Variants in TMEM63A observed in about 807,000 individuals in gnomAD.
TMEM63A encodes mechanosensitive cation channel TMEM63A.
A neutral mutation model predicts 100.6 loss-of-function variants in TMEM63A; 76 were observed. That is an observed-to-expected ratio of 0.76 (90% CI 0.63 to 0.91). The LOEUF is 0.91. TMEM63A is among the 40% of genes least tolerant of loss of function. The pLI is 0.00. For synonymous variants in TMEM63A, 401 were observed against 401.1 expected, an observed-to-expected ratio of 1.00 and a Z score of 0.00; for missense variants, 876 against 1,008.8, an observed-to-expected ratio of 0.87 and a Z score of 1.78.
chr1:225,848,769 A>G, intron 22 of TMEM63A, 128 bp downstream of exon 22: 1 of 901,384 alleles, frequency 1.1e-6, no homozygotes, highest in Non-Finnish European at 1.7e-6. Flanking sequence ...TTTCCCATGG[A>G]GAAGCAGAAT....
chr1:225,875,351 C>T (rs953543471), intron 3 of TMEM63A, among the ~76,000 whole-genome samples: 2 of 152,214 alleles, frequency 1.3e-5, no homozygotes, highest in Non-Finnish European at 2.9e-5. Flanking sequence ...TTGGCAGGCT[C>T]CATGCCATGT....
chr1:225,849,098 G>T (rs1373035529), intron 21 of TMEM63A, 86 bp from the exon 22 acceptor site: 2 of 1,042,246 alleles, frequency 1.9e-6, no homozygotes, highest in African/African-American at 1.6e-5. Flanking sequence ...GCCGCACCTG[G>T]TGTGGAAACT....
chr1:225,876,678 C>T (rs972455962), intron 3 of TMEM63A, among the ~76,000 whole-genome samples: 3 of 151,400 alleles, frequency 2.0e-5, no homozygotes, highest in Non-Finnish European at 4.4e-5. Context: ...GACAGCGTCT[C>T]GCTCTTGTTG....
At chr1:225,844,751 C>T (rs1018752850), downstream of TMEM63A, 35 of 1,440,066 alleles carry the variant, frequency 2.4e-5, no homozygotes, top group Non-Finnish European at 3.1e-5. Context: ...CCCCAGGGGC[C>T]CTTGGATGGG....
rs114729361 is a variant in TMEM63A at position 225,862,812 on chromosome 1, C to T, written c.786G>A (p.Leu262=). 3,633 of 1,614,002 alleles carry T rather than the reference C, an allele frequency of 2.3e-3. 5 individuals carry two copies. The highest frequency in any genetic ancestry group is 2.7e-3 in the Non-Finnish European group (3,186 of 1,180,014). The change falls in exon 11 of 25, where the codon CTG becomes CTA. Residue 262 remains leucine (L), a synonymous_variant. Coordinates refer to ENST00000366835, the MANE Select transcript of TMEM63A (RefSeq NM_014698.3). The surrounding 1 kb of genome is among the most constrained non-coding windows in gnomAD (Gnocchi z 5.1). ...YPTCEVVDVQ[L]CYNVAKLIYL... is the part of the protein sequence containing the mutation. ...AGATCAGTTTGGCCACGTTGTAGCA[C>T]AGCTGCACATCAACCACCTCACACG... is the stretch of plus-strand genomic sequence containing the variant.
At chr1:225,873,445 G>A (rs746816493) in intron 4 of TMEM63A, among the ~76,000 whole-genome samples, 10 of 152,186 alleles carry the variant, frequency 6.6e-5, no homozygotes, top group Non-Finnish European at 1.2e-4. Context: ...GGAGGCGCCC[G>A]AGAGTGGAGG....
At chr1:225,850,432 A>C (rs1456897055) in intron 20 of TMEM63A, among the ~76,000 whole-genome samples, 1 of 152,200 alleles carries the variant, frequency 6.6e-6, no homozygotes, top group Non-Finnish European at 1.5e-5. Context: ...TTCTCTTAAA[A>C]GCTTAGGGTG....
intron 23 of TMEM63A, chr1:225,847,457 G>T: frequency 2.2e-6 from 1 of 458,116 alleles, no homozygotes. Context: ...GCACAAGAGA[G>T]CAGTTCTCAG....
At chr1:225,849,854 G>A (rs181989319) in intron 21 of TMEM63A, 58 bp downstream of exon 21, 2 of 1,583,530 alleles carry the variant, frequency 1.3e-6, no homozygotes, top group South Asian at 1.1e-5. Flanking sequence ...CTGACTGGCT[G>A]GTGGGGATGC....
downstream of TMEM63A, chr1:225,844,759 G>A: frequency 7.1e-7 from 1 of 1,401,104 alleles, no homozygotes; most frequent in Non-Finnish European, 9.7e-7. Context: ...GCCCTTGGAT[G>A]GGAACACTAA....
chr1:225,853,849 G>A lies in TMEM63A; in HGVS notation c.1635-58C>T, dbSNP rs1354601213. ...AGAGCCGCTCTTGGAGGGAGAGGAG[G>A]GGCCCCTAGGCTGGGCAGGAGCAGA... On this transcript the variant is annotated intron_variant, in intron 18 of 24. Coordinates refer to ENST00000366835, the MANE Select transcript of TMEM63A (RefSeq NM_014698.3). The surrounding 1 kb of genome is among the most constrained non-coding windows in gnomAD (Gnocchi z 4.0). The A allele has an allele frequency of 2.7e-6, 4 of 1,495,470 alleles. No homozygotes were observed. In the East Asian group the frequency reaches 7.2e-5, roughly 27 times the overall value. 92.6% of individuals were successfully genotyped at this position (1,495,470 alleles called of 1,614,324 possible).
intron 24 of TMEM63A, 42 bp from the exon 25 acceptor site, chr1:225,846,974 C>T (rs1041423379): frequency 4.0e-6 from 6 of 1,512,896 alleles, no homozygotes; most frequent in African/African-American, 1.5e-5. Flanking sequence ...GGAGTCAGGC[C>T]GCTTCACCTG....
rs112887616 is a variant in TMEM63A at position 225,847,313 on chromosome 1, C to T, written c.2251-100G>A. 5.0e-4 allele frequency: 711 copies of T among 1,409,368 alleles called. 1 individual carries two copies. Among genetic ancestry groups the T allele is most frequent in the Non-Finnish European group, 6.3e-4 (656 of 1,041,576 alleles). The allele number at this position is 1,409,368 out of a possible 1,614,324, so 87.3% of individuals were successfully genotyped here. A position where few individuals can be genotyped will look rare whatever the true frequency, so the allele number is the denominator to read the frequency against. On this transcript the variant is annotated intron_variant, in intron 23 of 24. Transcript: ENST00000366835. Reference sequence around the variant, plus strand: ...CTCCCAACAGGACACAGACAGTGGCCATAAAGGACATATGAAGAAACACCG... The same window carrying T: ...CTCCCAACAGGACACAGACAGTGGCTATAAAGGACATATGAAGAAACACCG...
At chr1:225,842,550 T>C (rs763027083), downstream of TMEM63A, 1 of 1,045,968 alleles carries the variant, frequency 9.6e-7, no homozygotes, top group Non-Finnish European at 1.5e-6. Context: ...CATCCCCTTG[T>C]CTGGTTGCTC....
chr1:225,859,108 C>T, intron 15 of TMEM63A, 88 bp downstream of exon 15: 1 of 1,580,814 alleles, frequency 6.3e-7, no homozygotes, highest in Non-Finnish European at 8.6e-7. Flanking sequence ...CCCGCACACA[C>T]CCCACTCCTG....
At chr1:225,842,760 G>A (rs1428124576), downstream of TMEM63A, among the ~76,000 whole-genome samples, 2 of 152,236 alleles carry the variant, frequency 1.3e-5, no homozygotes, top group African/African-American at 4.8e-5. Flanking sequence ...GGAGCCCACA[G>A]GGCAGCAGGC....
chr1:225,873,070 A>G (rs1478105342), intron 4 of TMEM63A, among the ~76,000 whole-genome samples: 1 of 152,024 alleles, frequency 6.6e-6, no homozygotes, highest in Admixed American at 6.6e-5. Context: ...ACGAAACTTA[A>G]CTTTAAAAGC....
chr1:225,865,698 A>T lies in TMEM63A; in HGVS notation c.746+199T>A. 1 of 584,036 alleles carries T rather than the reference A, an allele frequency of 1.7e-6. No individual in the cohort carries two copies. Among genetic ancestry groups the T allele is most frequent in the Non-Finnish European group, 3.1e-6 (1 of 325,820 alleles). 36.2% of individuals were successfully genotyped at this position (584,036 alleles called of 1,614,324 possible). ...GAAGAGGATAGGCCACCAGGGCGCT[A>T]TTCACTGCACAGCACCAGCAGGGCT... is the stretch of plus-strand genomic sequence containing the variant. On this transcript the variant is annotated intron_variant, in intron 10 of 24. Transcript: ENST00000366835. The surrounding 1 kb of genome is among the most constrained non-coding windows in gnomAD (Gnocchi z 4.6).
Position 225,878,905 on chromosome 1 carries a change from C to G in TMEM63A, c.-15+315G>C, listed in dbSNP as rs542733741. On this transcript the variant is annotated intron_variant, in intron 2 of 24. Coordinates refer to ENST00000366835, the MANE Select transcript of TMEM63A (RefSeq NM_014698.3). ...CTACCTACACACACACACACACACA[C>G]ACACACACACACACACACGAAGCAC... is the stretch of plus-strand genomic sequence containing the variant. Among the ~76,000 whole-genome samples, 317 of 151,912 alleles carry G rather than the reference C, an allele frequency of 2.1e-3. 3 individuals are homozygous for G. Among genetic ancestry groups the G allele is most frequent in the Admixed American group, 0.018 (282 of 15,244 alleles).
Sources: gnomAD v4.1 joint callset for allele counts (sites outside exome capture counted in the v4.1 genomes callset) on GRCh38, gnomAD v4.1.1 for gene constraint, Gnocchi (gnomAD v3.1) non-coding constraint, MANE v1.5 for transcripts, NCBI Gene and HGNC (gene_info 2026-07-23, HGNC 2026-07-21) for gene names.